SLC25A40: variants seen among roughly 807,000 people sequenced by gnomAD.
The protein encoded by SLC25A40 is solute carrier family 25 member 40, also known as mitochondrial glutathione transporter SLC25A40.
Under a neutral mutation model 46.5 loss-of-function variants are expected in SLC25A40, and 41 were observed. The observed-to-expected ratio is 0.88, with a 90% CI of 0.69 to 1.14. The LOEUF (loss-of-function observed/expected upper bound fraction) is 1.14. SLC25A40 is among the 50% of genes most tolerant of loss of function. SLC25A40 has a pLI of 0.00. For missense variants in SLC25A40, 386 were observed against 393.6 expected (o/e 0.98, Z 0.16); for synonymous variants, 126 against 127.5 (o/e 0.99, Z 0.08).
At chr7:87,849,430 T>C (rs540447171) in intron 6 of SLC25A40, among the ~76,000 whole-genome samples, 2 of 152,310 alleles carry the variant, frequency 1.3e-5, no homozygotes, top group East Asian at 3.9e-4. Flanking sequence ...GTTTTGCTCA[T>C]CACAACTGGC....
At chr7:87,840,182 T>C (rs532285043) in intron 10 of SLC25A40, among the ~76,000 whole-genome samples, 1 of 151,834 alleles carries the variant, frequency 6.6e-6, no homozygotes, top group South Asian at 2.1e-4. Context: ...GAAACATTAA[T>C]TAGAAAAAAC....
intron 1 of SLC25A40, among the ~76,000 whole-genome samples, chr7:87,870,497 A>T (rs1327006797): frequency 6.6e-6 from 1 of 152,134 alleles, no homozygotes; most frequent in East Asian, 1.9e-4. Flanking sequence ...CCCAGTGAGG[A>T]CCCCACCCTC....
chr7:87,861,740 A>G (rs1392241009), intron 1 of SLC25A40, among the ~76,000 whole-genome samples: 1 of 152,200 alleles, frequency 6.6e-6, no homozygotes, highest in African/African-American at 2.4e-5. Flanking sequence ...AACGGCCCAC[A>G]GCACTTTATT....
intron 1 of SLC25A40, among the ~76,000 whole-genome samples, chr7:87,870,673 G>T (rs745602099): frequency 6.6e-6 from 1 of 152,212 alleles, no homozygotes; most frequent in Admixed American, 6.5e-5. Flanking sequence ...ATGTCTGAGA[G>T]AAGCAGCTTA....
intron 6 of SLC25A40, among the ~76,000 whole-genome samples, chr7:87,848,456 A>G: frequency 6.6e-6 from 1 of 152,194 alleles, no homozygotes; most frequent in Non-Finnish European, 1.5e-5. Context: ...ACAAATTAAG[A>G]CAGACACTTC....
At chr7:87,872,732 C>A (rs190468774) in intron 1 of SLC25A40, among the ~76,000 whole-genome samples, 120 of 152,302 alleles carry the variant, frequency 7.9e-4, no homozygotes, top group African/African-American at 2.7e-3. Flanking sequence ...GAGGTCGAGG[C>A]TGGCGGATCA....
intron 1 of SLC25A40, among the ~76,000 whole-genome samples, chr7:87,875,816 GGGCC>G (rs1331224524): frequency 2.0e-5 from 3 of 152,166 alleles, no homozygotes; most frequent in African/African-American, 7.2e-5. Flanking sequence ...GTCAAGGCCG[GGGCC>G]GCCTGGCCAG....
At chr7:87,841,133 A>ATG (rs561277692) in intron 10 of SLC25A40, among the ~76,000 whole-genome samples, 3,646 of 142,904 alleles carry the variant, frequency 0.026, 74 homozygotes, top group African/African-American at 0.054. Context: ...TAAAAACAAA[A>ATG]TGTGTGTGTG....
At chr7:87,860,519 A>G (rs1208226213) in intron 2 of SLC25A40, 53 bp downstream of exon 2, 1 of 152,216 alleles carries the variant, frequency 6.6e-6, no homozygotes, top group Non-Finnish European at 1.5e-5. Context: ...AATGTCCTTT[A>G]TCAAAATAAA....
At chr7:87,851,420 T>C (rs1227794412) in intron 5 of SLC25A40, among the ~76,000 whole-genome samples, 1 of 152,122 alleles carries the variant, frequency 6.6e-6, no homozygotes, top group African/African-American at 2.4e-5. Context: ...AAGTGAAACT[T>C]GTGGCACCAC....
chr7:87,836,038 T>TAAAAAAAAAAAA lies in SLC25A40; in HGVS notation c.*210_*211insTTTTTTTTTTTT. ...TTTTTACAAGAATGCTCAATGGTGG[T>TAAAAAAAAAAAA]GATTTCTAGAATATCTTTTTCAATA... On this transcript the variant is annotated 3_prime_UTR_variant, in exon 12 of 12. Coordinates refer to ENST00000341119, the MANE Select transcript of SLC25A40 (RefSeq NM_018843.4). The TAAAAAAAAAAAA allele has an allele frequency of 2.4e-6, 1 of 412,980 alleles. No homozygotes were observed. 25.6% of individuals were successfully genotyped at this position (412,980 alleles called of 1,614,324 possible).
intron 1 of SLC25A40, among the ~76,000 whole-genome samples, chr7:87,866,060 G>T (rs1838792687): frequency 6.6e-6 from 1 of 151,462 alleles, no homozygotes; most frequent in Non-Finnish European, 1.5e-5. Context: ...TCCAGCCGAG[G>T]CAATAGAACA....
At chr7:87,854,736 C>T (rs1838577844) in intron 4 of SLC25A40, among the ~76,000 whole-genome samples, 3 of 146,702 alleles carry the variant, frequency 2.0e-5, no homozygotes, top group Admixed American at 6.9e-5. Flanking sequence ...GGCGTGAACC[C>T]GGGAGGCAGA....
intron 10 of SLC25A40, among the ~76,000 whole-genome samples, 198 bp downstream of exon 10, chr7:87,841,435 T>G (rs2130996867): frequency 6.6e-6 from 1 of 151,896 alleles, no homozygotes; most frequent in African/African-American, 2.4e-5. Flanking sequence ...AACATTAGAC[T>G]TTACATTTTC....
Position 87,853,676 on chromosome 7 carries a change from A to G in SLC25A40, c.264+528T>C, listed in dbSNP as rs539619821. Among the ~76,000 whole-genome samples the G allele has an allele frequency of 2.4e-4, 36 of 152,308 alleles. 1 individual carries two copies. The highest frequency in any genetic ancestry group is 8.4e-4 in the African/African-American group (35 of 41,574). On this transcript the variant is annotated intron_variant, in intron 5 of 11. Coordinates refer to ENST00000341119, the MANE Select transcript of SLC25A40 (RefSeq NM_018843.4). ...TAATTATGCTATGTAAAAAATGCCA[A>G]CCCCAAAAGGTTATATATGTCATGA...
intron 10 of SLC25A40, 60 bp from the exon 11 acceptor site, chr7:87,836,870 C>G (rs1404011020): frequency 2.9e-6 from 3 of 1,048,606 alleles, no homozygotes; most frequent in Non-Finnish European, 4.0e-6. Flanking sequence ...ATTCCTACTA[C>G]AGATAACATA....
At chr7:87,873,198 AAAT>A (rs1199151366) in intron 1 of SLC25A40, among the ~76,000 whole-genome samples, 2 of 152,194 alleles carry the variant, frequency 1.3e-5, no homozygotes, top group Non-Finnish European at 2.9e-5. Context: ...GGACAGGAAA[AAAT>A]AATTGCTGAG....
At chr7:87,852,932 TAAA>T (rs963875758) in intron 5 of SLC25A40, among the ~76,000 whole-genome samples, 2 of 152,132 alleles carry the variant, frequency 1.3e-5, no homozygotes, top group African/African-American at 4.8e-5. Flanking sequence ...TAACAGTAGA[TAAA>T]AAGCTCTTAG....
chr7:87,856,402 T>C (rs1838616673), intron 3 of SLC25A40, 51 bp from the exon 4 acceptor site: 1 of 1,340,754 alleles, frequency 7.5e-7, no homozygotes, highest in South Asian at 1.2e-5. Flanking sequence ...GTAAATTGGA[T>C]AGATGTTTTA....
Sources: allele counts gnomAD v4.1 joint callset (sites outside exome capture counted in the v4.1 genomes callset), GRCh38; gene constraint gnomAD v4.1.1; transcripts MANE v1.5; gene names NCBI Gene and HGNC (gene_info 2026-07-23, HGNC 2026-07-21).